FOXP2: variants seen among roughly 807,000 people sequenced by gnomAD.
FOXP2 encodes forkhead box protein P2.
FOXP2 carries 12 observed loss-of-function variants against 115.8 expected under a neutral mutation model. That is an observed-to-expected ratio of 0.10 (90% CI 0.07 to 0.17). The LOEUF is 0.17. FOXP2 is among the 10% of genes least tolerant of loss of function. The pLI is 1.00. For synonymous variants in FOXP2, 328 were observed against 297.7 expected (o/e 1.10, Z -1.05); for missense variants, 629 against 843.5 (o/e 0.75, Z 3.15).
chr7:114,275,414 A>T (rs909096023), intron 1 of FOXP2, among the ~76,000 whole-genome samples: 1 of 152,154 alleles, frequency 6.6e-6, no homozygotes, highest in African/African-American at 2.4e-5. Flanking sequence ...AAGTGCAGAG[A>T]TTCTGTCCTC....
chr7:114,095,762 G>C (rs1799634455), intron 1 of FOXP2, among the ~76,000 whole-genome samples: 1 of 152,146 alleles, frequency 6.6e-6, no homozygotes, highest in South Asian at 2.1e-4. Context: ...GAGTGGATAA[G>C]CTGTTTGATA....
At chr7:114,174,061 G>A (rs1035969926) in intron 1 of FOXP2, among the ~76,000 whole-genome samples, 1 of 151,860 alleles carries the variant, frequency 6.6e-6, no homozygotes, top group African/African-American at 2.4e-5. Context: ...TAAAATACCT[G>A]ACACATAGCT....
intron 1 of FOXP2, among the ~76,000 whole-genome samples, chr7:114,136,331 G>A (rs1792037535): frequency 6.6e-6 from 1 of 151,930 alleles, no homozygotes. Flanking sequence ...GCTGTACTTT[G>A]TCTCCTAGGA....
chr7:114,585,806 G>T (rs1370359417), intron 3 of FOXP2, among the ~76,000 whole-genome samples: 1 of 152,172 alleles, frequency 6.6e-6, no homozygotes, highest in African/African-American at 2.4e-5. Context: ...GGCACAGGTT[G>T]CAGGGAGCTG....
At chr7:114,122,556 T>C (rs920607530) in intron 1 of FOXP2, among the ~76,000 whole-genome samples, 10 of 151,992 alleles carry the variant, frequency 6.6e-5, no homozygotes, top group Admixed American at 5.3e-4. Context: ...GTTCAGCTGA[T>C]CTTTATTTCC....
At chr7:114,491,110 A>G (rs1457942090) in intron 2 of FOXP2, among the ~76,000 whole-genome samples, 1 of 152,204 alleles carries the variant, frequency 6.6e-6, no homozygotes, top group Non-Finnish European at 1.5e-5. Flanking sequence ...GAACTAGTTT[A>G]CAGACCCACC....
chr7:114,222,812 A>C (rs1794657098), intron 1 of FOXP2, among the ~76,000 whole-genome samples: 1 of 152,174 alleles, frequency 6.6e-6, no homozygotes, highest in Admixed American at 6.5e-5. Flanking sequence ...TGCAAAGGAA[A>C]AACATCTCAG....
chr7:114,415,412 G>A (rs2129199816), intron 1 of FOXP2, 52 bp downstream of exon 1: 1 of 385,540 alleles, frequency 2.6e-6, no homozygotes, highest in South Asian at 2.0e-5. Flanking sequence ...AGAGGGGTGG[G>A]ATTTTACGAT....
At position 114,589,197 on chromosome 7, in the gene FOXP2, C is replaced by T. The variant is rs553809970; in HGVS notation, c.259-39343C>T. On this transcript the variant is annotated intron_variant, in intron 3 of 16. Transcript: ENST00000350908. ...GGATTGTCTGCTTCATCTCTCGCCA[C>T]TTGTTAACATTTTTTAACTTTTCAT... 2.2e-4 allele frequency among the ~76,000 whole-genome samples: 33 copies of T among 152,206 alleles called. No homozygotes were observed. The South Asian group carries it at 6.8e-3, about 32-fold the overall frequency.
intron 3 of FOXP2, among the ~76,000 whole-genome samples, chr7:114,586,862 A>C (rs1181684892): frequency 6.6e-6 from 1 of 151,996 alleles, no homozygotes; most frequent in Non-Finnish European, 1.5e-5. Flanking sequence ...GCTTACTGTA[A>C]ATAATCTATT....
At chr7:114,262,144 C>T (rs1795770338) in intron 1 of FOXP2, among the ~76,000 whole-genome samples, 1 of 152,140 alleles carries the variant, frequency 6.6e-6, no homozygotes, top group South Asian at 2.1e-4. Flanking sequence ...TTACTATCAT[C>T]TGGGTACAGT....
At position 114,167,545 on chromosome 7, in the gene FOXP2, G is replaced by A. The variant is rs111637742; in HGVS notation, c.-102+4457G>A. The stretch of plus-strand genomic sequence containing the variant: ...CTCCCGTAATTTTCATGTGTTATGG[G>A]AGGGACCCAGTGAGAGATAATTGAA... On this transcript the variant is annotated intron_variant, in intron 1 of 17. Transcript: ENST00000634411. 9.6e-3 allele frequency among the ~76,000 whole-genome samples: 1,457 copies of A among 152,230 alleles called. 31 individuals carry two copies. The highest frequency in any genetic ancestry group is 0.033 in the African/African-American group (1,386 of 41,524).
chr7:114,098,053 G>C (rs1799688239), intron 1 of FOXP2, among the ~76,000 whole-genome samples: 1 of 152,198 alleles, frequency 6.6e-6, no homozygotes, highest in African/African-American at 2.4e-5. Context: ...ATGGGACATA[G>C]AGCATGAAAA....
intron 1 of FOXP2, among the ~76,000 whole-genome samples, chr7:114,272,005 T>G (rs1796071326): frequency 7.4e-6 from 1 of 136,000 alleles, no homozygotes; most frequent in Non-Finnish European, 1.5e-5. Flanking sequence ...ATATGTAATA[T>G]TATAATTATA....
chr7:114,258,514 A>G (rs1329863363), intron 1 of FOXP2, among the ~76,000 whole-genome samples: 4 of 152,228 alleles, frequency 2.6e-5, no homozygotes, highest in African/African-American at 9.6e-5. Context: ...ACTTTATGAC[A>G]GAATGAAACA....
At chr7:114,500,172 C>A (rs1277475150) in intron 2 of FOXP2, among the ~76,000 whole-genome samples, 1 of 146,466 alleles carries the variant, frequency 6.8e-6, no homozygotes, top group Non-Finnish European at 1.5e-5. Context: ...GCCGAGATCA[C>A]GCAACTGCCC....
chr7:114,662,354 GC>G (rs1474883348), intron 14 of FOXP2, among the ~76,000 whole-genome samples, 168 bp downstream of exon 14: 3 of 151,952 alleles, frequency 2.0e-5, no homozygotes, highest in Non-Finnish European at 4.4e-5. Flanking sequence ...ATCAACAGTA[GC>G]CTATCAATTT....
chr7:114,664,309 A>G lies in FOXP2; in HGVS notation c.1876A>G (p.Asn626Asp). 1 of 1,613,548 alleles carries G rather than the reference A, an allele frequency of 6.2e-7. No homozygotes were observed. The highest frequency in any genetic ancestry group is 8.5e-7 in the Non-Finnish European group (1 of 1,179,694). ...LAESSLPLLS[N>D]PGLINNASSG... ...AGAGAGCAGTTTACCTTTGCTAAGT[A>G]ATCCTGGACTGATAAATAATGCATC... Residue 626 changes from asparagine (N) to aspartate (D), a missense_variant, in exon 16 of 17, where the codon AAT (asparagine) becomes GAT (aspartate). Around this residue, in one of 9 missense-constraint regions of FOXP2, gnomAD observed 117 missense variants for 112.3 expected, o/e 1.04. Coordinates refer to ENST00000350908, the MANE Select transcript of FOXP2 (RefSeq NM_014491.4).
chr7:114,264,403 C>G (rs1241693505), intron 1 of FOXP2, among the ~76,000 whole-genome samples: 2 of 152,130 alleles, frequency 1.3e-5, no homozygotes, highest in Non-Finnish European at 2.9e-5. Flanking sequence ...CTTACTGTTA[C>G]TATGCCATTG....
Sources: gnomAD v4.1 joint callset for allele counts (sites outside exome capture counted in the v4.1 genomes callset) on GRCh38, gnomAD v4.1.1 for gene constraint, gnomAD v4.1.1 regional missense constraint, MANE v1.5 for transcripts, NCBI Gene and HGNC (gene_info 2026-07-23, HGNC 2026-07-21) for gene names.